Variants in FBXL7 observed in about 807,000 individuals in gnomAD.
FBXL7 encodes F-box and leucine rich repeat protein 7.
FBXL7 carries 12 observed loss-of-function variants against 38.3 expected under a neutral mutation model. The ratio of observed to expected loss-of-function variants is 0.31; its 90% CI spans 0.20 to 0.51. The LOEUF (loss-of-function observed/expected upper bound fraction) is 0.51. Among genes scored for constraint, FBXL7 ranks in the 20% least tolerant of loss-of-function variants. FBXL7 has a pLI of 0.98. For missense variants in FBXL7, 567 were observed against 676.4 expected (o/e 0.84, Z 1.79); for synonymous variants, 297 against 300.9 (o/e 0.99, Z 0.13).
intron 1 of FBXL7, among the ~76,000 whole-genome samples, chr5:15,526,999 T>G (rs1051667938): frequency 3.9e-5 from 6 of 152,150 alleles, no homozygotes; most frequent in Non-Finnish European, 7.3e-5. Flanking sequence ...TTGGGTGGAG[T>G]TGGCCTAAGT....
intron 1 of FBXL7, among the ~76,000 whole-genome samples, chr5:15,598,733 AC>A (rs1197802117): frequency 6.6e-6 from 1 of 152,218 alleles, no homozygotes; most frequent in African/African-American, 2.4e-5. Context: ...CTCTTTCTTT[AC>A]CAATGAATAA....
chr5:15,630,279 C>T (rs1299586276), intron 2 of FBXL7, among the ~76,000 whole-genome samples: 1 of 152,146 alleles, frequency 6.6e-6, no homozygotes, highest in Non-Finnish European at 1.5e-5. Context: ...TTATTCCTTC[C>T]TCAGCAATTT....
intron 1 of FBXL7, among the ~76,000 whole-genome samples, chr5:15,615,386 G>A (rs929035083): frequency 1.3e-5 from 2 of 152,088 alleles, no homozygotes; most frequent in Non-Finnish European, 2.9e-5. Flanking sequence ...GCTCATTTGT[G>A]ACAACCAAAA....
intron 2 of FBXL7, among the ~76,000 whole-genome samples, chr5:15,818,592 C>T (rs1277813017): frequency 6.6e-6 from 1 of 151,906 alleles, no homozygotes; most frequent in Non-Finnish European, 1.5e-5. Context: ...CCTGTATCTA[C>T]AAGTCAATTT....
intron 2 of FBXL7, among the ~76,000 whole-genome samples, chr5:15,795,985 A>T (rs901210041): frequency 7.9e-5 from 12 of 152,262 alleles, no homozygotes; most frequent in African/African-American, 2.9e-4. Flanking sequence ...CCCATAATCT[A>T]TTTTGTCCTA....
intron 2 of FBXL7, among the ~76,000 whole-genome samples, chr5:15,665,388 A>G (rs532894065): frequency 3.3e-5 from 5 of 152,110 alleles, no homozygotes; most frequent in East Asian, 1.9e-4. Context: ...CTACCTATCT[A>G]TACGGTGGCC....
At chr5:15,829,492 A>G (rs929161657) in intron 2 of FBXL7, among the ~76,000 whole-genome samples, 98 of 151,220 alleles carry the variant, frequency 6.5e-4, no homozygotes, top group African/African-American at 2.3e-3. Context: ...CAAACAAAGC[A>G]TGGTCCAATA....
At chr5:15,689,912 C>T (rs1036143298) in intron 2 of FBXL7, among the ~76,000 whole-genome samples, 3 of 152,162 alleles carry the variant, frequency 2.0e-5, no homozygotes, top group Non-Finnish European at 2.9e-5. Flanking sequence ...GGGAGCTGTG[C>T]TGTGCATTGT....
intron 1 of FBXL7, among the ~76,000 whole-genome samples, chr5:15,614,468 C>T (rs1042217322): frequency 9.2e-5 from 14 of 152,100 alleles, no homozygotes; most frequent in African/African-American, 2.9e-4. Context: ...TGGGGTTTCA[C>T]GATGTTGGCC....
intron 1 of FBXL7, among the ~76,000 whole-genome samples, chr5:15,525,871 C>G (rs1319296049): frequency 6.6e-6 from 1 of 152,128 alleles, no homozygotes; most frequent in African/African-American, 2.4e-5. Flanking sequence ...AAGTATTGCA[C>G]AAGATTATTT....
intron 2 of FBXL7, among the ~76,000 whole-genome samples, chr5:15,737,212 T>C (rs371631062): frequency 6.6e-6 from 1 of 152,194 alleles, no homozygotes; most frequent in African/African-American, 2.4e-5. Flanking sequence ...TCTTATCTAT[T>C]CTGCACTGTT....
intron 1 of FBXL7, chr5:15,501,410 TTC>T: frequency 1.0e-6 from 1 of 985,576 alleles, no homozygotes; most frequent in Non-Finnish European, 1.2e-6. Flanking sequence ...GGCTTCTCCC[TTC>T]TCTCTCCTAC....
chr5:15,843,841 T>G (rs2126786143), intron 2 of FBXL7, among the ~76,000 whole-genome samples: 1 of 151,598 alleles, frequency 6.6e-6, no homozygotes, highest in African/African-American at 2.4e-5. Context: ...TTAATATGTG[T>G]ATTAAGCTAT....
intron 2 of FBXL7, among the ~76,000 whole-genome samples, chr5:15,880,272 G>A (rs1470316157): frequency 2.5e-5 from 3 of 117,724 alleles, no homozygotes; most frequent in South Asian, 3.0e-4. Flanking sequence ...CAGGTCCACC[G>A]CCCTGAGCTG....
intron 1 of FBXL7, among the ~76,000 whole-genome samples, chr5:15,550,194 A>G (rs558593481): frequency 1.3e-5 from 2 of 152,346 alleles, no homozygotes; most frequent in African/African-American, 4.8e-5. Flanking sequence ...GAAACTTGGC[A>G]GGACTTTTCG....
intron 2 of FBXL7, among the ~76,000 whole-genome samples, chr5:15,738,123 G>C (rs766209289): frequency 2.6e-5 from 4 of 152,116 alleles, no homozygotes; most frequent in Non-Finnish European, 5.9e-5. Flanking sequence ...AGGAGGCATA[G>C]TATGATAATT....
intron 2 of FBXL7, among the ~76,000 whole-genome samples, chr5:15,895,427 T>C (rs1271521168): frequency 2.6e-5 from 4 of 152,082 alleles, no homozygotes; most frequent in African/African-American, 7.2e-5. Context: ...GGCACTCTCA[T>C]AGAAAGCCTT....
intron 2 of FBXL7, among the ~76,000 whole-genome samples, chr5:15,774,033 A>C (rs1362155829): frequency 3.3e-5 from 5 of 152,020 alleles, no homozygotes; most frequent in African/African-American, 1.2e-4. Context: ...AAATTTAATG[A>C]CAAAAAAAAA....
intron 1 of FBXL7, among the ~76,000 whole-genome samples, chr5:15,517,072 G>A (rs921935824): frequency 1.3e-5 from 2 of 151,868 alleles, no homozygotes; most frequent in African/African-American, 2.4e-5. Flanking sequence ...TGTCGCCCAG[G>A]CTGGAGTGCA....
Sources: gnomAD v4.1 joint callset for allele counts (sites outside exome capture counted in the v4.1 genomes callset) on GRCh38, gnomAD v4.1.1 for gene constraint, MANE v1.5 for transcripts, NCBI Gene and HGNC (gene_info 2026-07-23, HGNC 2026-07-21) for gene names.